FBXL17: variants seen among roughly 807,000 people sequenced by gnomAD.
The protein encoded by FBXL17 is F-box/LRR-repeat protein 17.
Under a neutral mutation model 66.2 loss-of-function variants are expected in FBXL17, and 22 were observed. That is an observed-to-expected ratio of 0.33 (90% CI 0.24 to 0.47). The LOEUF is 0.47. Among genes scored for constraint, FBXL17 ranks in the 20% least tolerant of loss-of-function variants. The pLI, the probability that FBXL17 is intolerant of heterozygous loss-of-function variation, is 1.00. For missense variants in FBXL17, 878 were observed against 948.2 expected (o/e 0.93, Z 0.97); for synonymous variants, 474 against 400.5 (o/e 1.18, Z -2.19).
At chr5:108,286,237 C>G (rs1048044586) in intron 4 of FBXL17, among the ~76,000 whole-genome samples, 3 of 151,818 alleles carry the variant, frequency 2.0e-5, no homozygotes, top group Admixed American at 2.0e-4. Flanking sequence ...AGAACAAGAA[C>G]AGGATGTCCT....
chr5:108,333,148 G>GTA (rs145030445), intron 4 of FBXL17, among the ~76,000 whole-genome samples: 17,939 of 136,274 alleles, frequency 0.13, 2,580 homozygotes, highest in East Asian at 0.38. Flanking sequence ...AGAAATACCA[G>GTA]TATATATATA....
intron 6 of FBXL17, among the ~76,000 whole-genome samples, chr5:108,122,317 A>G (rs988361116): frequency 3.9e-5 from 6 of 152,218 alleles, no homozygotes; most frequent in African/African-American, 1.4e-4. Context: ...CAGCTAATAC[A>G]TAACAAAGCC....
At chr5:108,358,173 C>A (rs1281333407) in intron 3 of FBXL17, among the ~76,000 whole-genome samples, 5 of 152,010 alleles carry the variant, frequency 3.3e-5, no homozygotes, top group Admixed American at 6.6e-5. Context: ...CATTTTATTT[C>A]TTTTTCTTGC....
At chr5:107,872,265 T>C (rs1748480920) in intron 8 of FBXL17, among the ~76,000 whole-genome samples, 1 of 152,198 alleles carries the variant, frequency 6.6e-6, no homozygotes, top group South Asian at 2.1e-4. Flanking sequence ...GCTGAGCTCA[T>C]CTGAATGTCC....
Position 107,935,252 on chromosome 5 carries a change from T to G in FBXL17, c.1823-54073A>C, listed in dbSNP as rs555978171. On this transcript the variant is annotated intron_variant, in intron 7 of 8. Coordinates refer to ENST00000542267, the MANE Select transcript of FBXL17 (RefSeq NM_001163315.3). The stretch of plus-strand genomic sequence containing the variant: ...AGAATTGATTTGAAAGTGACTGCTG[T>G]CCTTTTTACACTGGAAGGAGAATAC... 9.9e-5 allele frequency among the ~76,000 whole-genome samples: 15 copies of G among 152,238 alleles called. No individual in the cohort carries two copies. In the South Asian group the frequency reaches 3.1e-3, roughly 32 times the overall value.
rs182020038 is a variant in FBXL17 at position 107,878,103 on chromosome 5, G to A, written c.1965+2934C>T. The A allele has an allele frequency of 5.4e-5, 16 of 297,590 alleles. No individual in the cohort carries two copies. In the East Asian group the frequency reaches 2.8e-3, roughly 52 times the overall value. 18.4% of individuals were successfully genotyped at this position (297,590 alleles called of 1,614,324 possible). A position where few individuals can be genotyped will look rare whatever the true frequency, so the allele number is the denominator to read the frequency against. On this transcript the variant is annotated intron_variant, in intron 8 of 8. Transcript: ENST00000542267. ...TCATACCAAATACTAAGTGTCCTAC[G>A]GAGGCATTAGTTTTTCCATTGCAAA...
chr5:108,262,074 A>ATTTT lies in FBXL17; in HGVS notation c.1507-37847_1507-37846insAAAA, dbSNP rs375770362. On this transcript the variant is annotated intron_variant, in intron 4 of 8. Transcript: ENST00000542267. ...ACATATTTTATTTATTTATTTATTT[A>ATTTT]TTTATTTATTTATTTTTTTTGAGAC... Among the ~76,000 whole-genome samples, 12 of 135,748 alleles carry ATTTT rather than the reference A, an allele frequency of 8.8e-5. No homozygotes were observed. The East Asian group carries it at 1.1e-3, about 12-fold the overall frequency. The allele number at this position is 135,748 out of a possible 152,430, so 89.1% of individuals were successfully genotyped here. A position where few individuals can be genotyped will look rare whatever the true frequency, so the allele number is the denominator to read the frequency against.
At chr5:108,258,488 C>T (rs1756671730) in intron 4 of FBXL17, among the ~76,000 whole-genome samples, 1 of 152,084 alleles carries the variant, frequency 6.6e-6, no homozygotes, top group Non-Finnish European at 1.5e-5. Context: ...ACGAAAGAAG[C>T]ACTCAGTTGT....
intron 4 of FBXL17, among the ~76,000 whole-genome samples, chr5:108,225,232 A>G (rs1755051539): frequency 6.6e-6 from 1 of 152,128 alleles, no homozygotes; most frequent in African/African-American, 2.4e-5. Flanking sequence ...CCATGTTGTA[A>G]TATGTGTTGG....
intron 4 of FBXL17, among the ~76,000 whole-genome samples, chr5:108,271,489 C>T (rs1757265038): frequency 6.6e-6 from 1 of 152,204 alleles, no homozygotes; most frequent in Non-Finnish European, 1.5e-5. Context: ...CAGACTCAAA[C>T]TCTGGAGAAA....
intron 2 of FBXL17, among the ~76,000 whole-genome samples, chr5:108,367,274 T>C (rs557194281): frequency 2.0e-5 from 3 of 151,856 alleles, no homozygotes; most frequent in Non-Finnish European, 2.9e-5. Flanking sequence ...TATGCCCCTA[T>C]ATAAACACAT....
chr5:108,025,718 C>T (rs1049319352), intron 6 of FBXL17, among the ~76,000 whole-genome samples: 138 of 106,878 alleles, frequency 1.3e-3, no homozygotes, highest in Non-Finnish European at 3.1e-4. Context: ...CACACACACA[C>T]GCGCGCGCGC....
At chr5:108,142,157 TTTGA>T (rs1480812417) in intron 6 of FBXL17, among the ~76,000 whole-genome samples, 3 of 152,220 alleles carry the variant, frequency 2.0e-5, no homozygotes, top group South Asian at 2.1e-4. Flanking sequence ...TCTAACTCAC[TTTGA>T]TTGGCATTAA....
intron 6 of FBXL17, among the ~76,000 whole-genome samples, chr5:108,039,922 TA>T (rs1746984354): frequency 6.6e-6 from 1 of 152,170 alleles, no homozygotes; most frequent in South Asian, 2.1e-4. Flanking sequence ...TCATACATTT[TA>T]AAATGATATC....
At chr5:108,168,678 C>T (rs945835397) in intron 6 of FBXL17, among the ~76,000 whole-genome samples, 3 of 151,876 alleles carry the variant, frequency 2.0e-5, no homozygotes, top group African/African-American at 4.9e-5. Context: ...ATTAATAAAA[C>T]ACAGAGAGTT....
chr5:107,887,620 G>A (rs976139372), intron 7 of FBXL17, among the ~76,000 whole-genome samples: 1 of 152,156 alleles, frequency 6.6e-6, no homozygotes, highest in African/African-American at 2.4e-5. Flanking sequence ...CTTCTTTGTA[G>A]AAGCCACAGA....
chr5:108,277,095 C>T (rs991888801), intron 4 of FBXL17, among the ~76,000 whole-genome samples: 3 of 152,086 alleles, frequency 2.0e-5, no homozygotes, highest in Admixed American at 1.3e-4. Context: ...AAAACAGAAT[C>T]ATGACACTGC....
At chr5:108,375,537 G>T (rs1749364241) in intron 1 of FBXL17, among the ~76,000 whole-genome samples, 1 of 152,082 alleles carries the variant, frequency 6.6e-6, no homozygotes, top group Non-Finnish European at 1.5e-5. Flanking sequence ...TGATGAAATA[G>T]ATGACAAATT....
chr5:108,115,835 C>T (rs1410783156), intron 6 of FBXL17, among the ~76,000 whole-genome samples: 1 of 152,124 alleles, frequency 6.6e-6, no homozygotes, highest in Non-Finnish European at 1.5e-5. Context: ...CTCATCTGGC[C>T]CCCTGCCTGC....
Sources: gnomAD v4.1 joint callset for allele counts (sites outside exome capture counted in the v4.1 genomes callset) on GRCh38, gnomAD v4.1.1 for gene constraint, MANE v1.5 for transcripts, NCBI Gene and HGNC (gene_info 2026-07-23, HGNC 2026-07-21) for gene names.